PIGZ: variants seen among roughly 807,000 people sequenced by gnomAD.
The protein encoded by PIGZ is GPI alpha-1,2-mannosyltransferase 4.
A neutral mutation model predicts 16.4 loss-of-function variants in PIGZ; 16 were observed. The ratio of observed to expected loss-of-function variants is 0.97; its 90% CI spans 0.66 to 1.48. The LOEUF (loss-of-function observed/expected upper bound fraction) is 1.48. Among genes scored for constraint, PIGZ ranks in the 40% most tolerant of loss-of-function variants. The pLI is 0.00. For synonymous variants in PIGZ, 409 were observed against 338.4 expected (o/e 1.21, Z -2.29); for missense variants, 770 against 739.2 (o/e 1.04, Z -0.48).
At chr3:196,949,327 C>G (rs1489416058) in intron 2 of PIGZ, among the ~76,000 whole-genome samples, 2 of 152,082 alleles carry the variant, frequency 1.3e-5, no homozygotes, top group Non-Finnish European at 2.9e-5. Flanking sequence ...TCACAACAAT[C>G]TTTTAATAAC....
intron 2 of PIGZ, among the ~76,000 whole-genome samples, chr3:196,949,125 C>T (rs753191258): frequency 6.7e-6 from 1 of 149,868 alleles, no homozygotes; most frequent in Non-Finnish European, 1.5e-5. Flanking sequence ...TCACAGCTCT[C>T]GCTATGTTAC....
At chr3:196,959,662 C>T (rs771392729) in intron 1 of PIGZ, among the ~76,000 whole-genome samples, 11 of 152,236 alleles carry the variant, frequency 7.2e-5, no homozygotes. Context: ...CAGGGATCCT[C>T]AAACCATCTG....
At chr3:196,955,751 G>A (rs1231979517) in intron 1 of PIGZ, among the ~76,000 whole-genome samples, 2 of 151,530 alleles carry the variant, frequency 1.3e-5, no homozygotes, top group Non-Finnish European at 2.9e-5. Flanking sequence ...CCTAATTTTT[G>A]TATTTTTAGT....
rs568471116 is a variant in PIGZ at position 196,954,636 on chromosome 3, C to G, written c.1-2605G>C. Among the ~76,000 whole-genome samples the G allele has an allele frequency of 1.5e-3, 226 of 152,184 alleles. 2 individuals carry two copies. The highest frequency in any genetic ancestry group is 5.0e-3 in the African/African-American group (206 of 41,522). The stretch of plus-strand genomic sequence containing the variant: ...ATGAGCACAGCTCGTTAATTTGGAG[C>G]CTTATTTTCTATGAGAAGTGTTGAA... On this transcript the variant is annotated intron_variant, in intron 1 of 2. Transcript: ENST00000412723.
At chr3:196,950,657 T>A (rs1717240830) in intron 2 of PIGZ, among the ~76,000 whole-genome samples, 2 of 152,166 alleles carry the variant, frequency 1.3e-5, no homozygotes, top group African/African-American at 4.8e-5. Context: ...ATGAGCCTTT[T>A]AACTTAAAAA....
At chr3:196,956,381 C>T (rs760856625) in intron 1 of PIGZ, among the ~76,000 whole-genome samples, 4 of 152,068 alleles carry the variant, frequency 2.6e-5, no homozygotes, top group African/African-American at 7.2e-5. Context: ...GAGAAGCAAA[C>T]GAATGAGAAG....
chr3:196,966,830 G>A (rs1293289929), intron 1 of PIGZ, among the ~76,000 whole-genome samples: 3 of 152,102 alleles, frequency 2.0e-5, no homozygotes, highest in Non-Finnish European at 2.9e-5. Flanking sequence ...TCATTCAGAG[G>A]GATCTGTCCG....
intron 1 of PIGZ, among the ~76,000 whole-genome samples, chr3:196,956,234 A>T (rs947765574): frequency 6.6e-6 from 1 of 152,184 alleles, no homozygotes; most frequent in Admixed American, 6.5e-5. Context: ...TGCTGCTGAT[A>T]AAGACATACC....
At chr3:196,959,525 A>C (rs1038731561) in intron 1 of PIGZ, among the ~76,000 whole-genome samples, 2 of 151,944 alleles carry the variant, frequency 1.3e-5, no homozygotes, top group South Asian at 4.2e-4. Context: ...TTTGGTTGAC[A>C]CCTTCCTTTC....
chr3:196,956,300 G>C (rs1214264783), intron 1 of PIGZ, among the ~76,000 whole-genome samples: 1 of 152,196 alleles, frequency 6.6e-6, no homozygotes, highest in East Asian at 1.9e-4. Context: ...AGTTCCACAT[G>C]GCTGGGGAGG....
At position 196,948,439 on chromosome 3, in the gene PIGZ, G is replaced by A. The variant is rs148705680; in HGVS notation, c.458C>T (p.Ala153Val). 60 of 1,614,026 alleles carry A rather than the reference G, an allele frequency of 3.7e-5. No individual in the cohort carries two copies. Among genetic ancestry groups the A allele is most frequent in the East Asian group, 6.7e-5 (3 of 44,886 alleles). ...AVYHLAPPMGADRWNALALLS... is the reference protein window; with the variant it reads ...AVYHLAPPMGVDRWNALALLS... ...CAGGGCCAGGGCGTTCCAGCGATCCGCCCCCATCGGCGGGGCCAGGTGGTA... is the reference window on the plus strand; with the variant it reads ...CAGGGCCAGGGCGTTCCAGCGATCCACCCCCATCGGCGGGGCCAGGTGGTA... The change falls in exon 3 of 3, where the codon GCG (alanine) becomes GTG (valine). Residue 153 changes from alanine to valine, a missense_variant. Physicochemically the swap from Ala to Val is moderately conservative, Grantham distance 64 (BLOSUM62 0). Coordinates refer to ENST00000412723, the MANE Select transcript of PIGZ (RefSeq NM_025163.4).
Position 196,947,075 on chromosome 3 carries a change from G to A in PIGZ, c.*82C>T, listed in dbSNP as rs548129181. On this transcript the variant is annotated 3_prime_UTR_variant, in exon 3 of 3. Coordinates refer to ENST00000412723, the MANE Select transcript of PIGZ (RefSeq NM_025163.4). Reference sequence around the variant, plus strand: ...AAGGAGGACGGGGTCCTGTCCCAGCGTCCCAGCCCAGCTACCCAAGTAGAA... The same window carrying A: ...AAGGAGGACGGGGTCCTGTCCCAGCATCCCAGCCCAGCTACCCAAGTAGAA... 27 of 1,317,190 alleles carry A rather than the reference G, an allele frequency of 2.0e-5. No homozygotes were observed. The East Asian group carries it at 3.5e-4, about 17-fold the overall frequency. 81.6% of individuals were successfully genotyped at this position (1,317,190 alleles called of 1,614,324 possible). A position where few individuals can be genotyped will look rare whatever the true frequency, so the allele number is the denominator to read the frequency against.
chr3:196,967,223 T>C (rs1464240665), intron 1 of PIGZ, among the ~76,000 whole-genome samples: 1 of 152,130 alleles, frequency 6.6e-6, no homozygotes, highest in Non-Finnish European at 1.5e-5. Flanking sequence ...TCCAGCTCGC[T>C]GAGTCCGAGG....
Position 196,960,437 on chromosome 3 carries a change from C to T in PIGZ, c.-1+8250G>A, listed in dbSNP as rs150463158. 2.3e-4 allele frequency among the ~76,000 whole-genome samples: 35 copies of T among 152,030 alleles called. No individual in the cohort carries two copies. The East Asian group carries it at 3.5e-3, about 15-fold the overall frequency. On this transcript the variant is annotated intron_variant, in intron 1 of 2. Transcript: ENST00000412723. ...TTTTAATCCCAGCATTTTGGGAGGC[C>T]GAGGCGGGTGGATCACCTGAGGTCA... is the stretch of plus-strand genomic sequence containing the variant.
intron 1 of PIGZ, among the ~76,000 whole-genome samples, chr3:196,966,666 G>T (rs1717939915): frequency 6.6e-6 from 1 of 152,204 alleles, no homozygotes; most frequent in Admixed American, 6.5e-5. Context: ...AACGACCCCC[G>T]CCCGCTGGCG....
At position 196,946,995 on chromosome 3, in the gene PIGZ, C is replaced by T. The variant is rs932876535; in HGVS notation, c.*162G>A. On this transcript the variant is annotated 3_prime_UTR_variant, in exon 3 of 3. Coordinates refer to ENST00000412723, the MANE Select transcript of PIGZ (RefSeq NM_025163.4). ...TCAGGGAGAAGAGTGCCAGCTCACC[C>T]AGAAGGCAGAACAGCTAACAGCCAT... The T allele has an allele frequency of 7.8e-5, 47 of 599,410 alleles. No individual in the cohort carries two copies. Among genetic ancestry groups the T allele is most frequent in the Non-Finnish European group, 2.8e-5 (10 of 357,494 alleles). 37.1% of individuals were successfully genotyped at this position (599,410 alleles called of 1,614,324 possible). A position where few individuals can be genotyped will look rare whatever the true frequency, so the allele number is the denominator to read the frequency against.
Position 196,946,924 on chromosome 3 carries a change from T to G in PIGZ, c.*233A>C. On this transcript the variant is annotated 3_prime_UTR_variant, in exon 3 of 3. Transcript: ENST00000412723. The stretch of plus-strand genomic sequence containing the variant: ...AGACAGGTGTCGTCACTTAACCTGG[T>G]CTTTGGGGACCTTGACATCAAGACC... The G allele has an allele frequency of 2.1e-6, 1 of 469,580 alleles. No individual in the cohort carries two copies. Among genetic ancestry groups the G allele is most frequent in the Non-Finnish European group, 3.8e-6 (1 of 266,264 alleles). The allele number at this position is 469,580 out of a possible 1,614,324, so 29.1% of individuals were successfully genotyped here. A position where few individuals can be genotyped will look rare whatever the true frequency, so the allele number is the denominator to read the frequency against.
rs1421892349 is a variant in PIGZ, at chr3:196,951,852, A to T, written c.180T>A (p.Asp60Glu). 13 of 1,614,100 alleles carry T rather than the reference A, an allele frequency of 8.1e-6. No individual in the cohort carries two copies. The highest frequency in any genetic ancestry group is 1.1e-5 in the Non-Finnish European group (13 of 1,180,048). Residue 60 changes from aspartate to glutamate, a missense_variant, in exon 2 of 3, where the codon GAT becomes GAA. Transcript: ENST00000412723. ...TCACCTCAGGGGACTGGAAGAACTC[A>T]TCTGGGTGCACATAGCCCGTCTGCG... ...LLPQTGYVHP[D>E]EFFQSPEVMA...
At chr3:196,968,012 T>G (rs1406548595) in intron 1 of PIGZ, among the ~76,000 whole-genome samples, 5 of 152,220 alleles carry the variant, frequency 3.3e-5, no homozygotes, top group Admixed American at 1.3e-4. Flanking sequence ...GAAGGAATGA[T>G]GAGAAATGTC....
Sources: allele counts gnomAD v4.1 joint callset (sites outside exome capture counted in the v4.1 genomes callset), GRCh38; gene constraint gnomAD v4.1.1; transcripts MANE v1.5; gene names NCBI Gene and HGNC (gene_info 2026-07-23, HGNC 2026-07-21).